The following FAM149B1 variants were observed in gnomAD, a reference collection of about 807,000 sequenced individuals.
The protein encoded by FAM149B1 is family with sequence similarity 149 member B1.
In FAM149B1, 56 loss-of-function variants were observed where a neutral mutation model predicts 75.3. That is an observed-to-expected ratio of 0.74 (90% confidence interval 0.60 to 0.93). The LOEUF is 0.93. Among genes scored for constraint, FAM149B1 ranks in the 40% least tolerant of loss-of-function variants. FAM149B1 has a pLI of 0.00. For synonymous variants in FAM149B1, 259 were observed against 256.1 expected (o/e 1.01, Z -0.11); for missense variants, 639 against 708.4 (o/e 0.90, Z 1.11).
chr10:73,220,378 AAC>A (rs2043383237), intron 7 of FAM149B1, among the ~76,000 whole-genome samples: 1 of 152,216 alleles, frequency 6.6e-6, no homozygotes, highest in Non-Finnish European at 1.5e-5. Flanking sequence ...CAGAATGTTA[AAC>A]ACAAAATTGT....
chr10:73,211,774 ATTTTATT>A (rs1168848024), intron 7 of FAM149B1, among the ~76,000 whole-genome samples: 1 of 151,976 alleles, frequency 6.6e-6, no homozygotes, highest in Non-Finnish European at 1.5e-5. Context: ...TTTTCTTTTC[ATTTTATT>A]TTTTATTTTT....
intron 5 of FAM149B1, among the ~76,000 whole-genome samples, chr10:73,207,752 G>A (rs2043100507): frequency 6.6e-6 from 1 of 152,076 alleles, no homozygotes; most frequent in African/African-American, 2.4e-5. Context: ...CTCCCCTACT[G>A]GGTTTTGAAC....
chr10:73,233,379 C>T (rs750606473), intron 10 of FAM149B1, among the ~76,000 whole-genome samples: 1 of 152,138 alleles, frequency 6.6e-6, no homozygotes, highest in Non-Finnish European at 1.5e-5. Flanking sequence ...TCACTCCTGT[C>T]GCCCAGGCTG....
chr10:73,232,905 T>G (rs202052222), intron 9 of FAM149B1, 34 bp from the exon 10 acceptor site: 30 of 1,258,700 alleles, frequency 2.4e-5, no homozygotes, highest in Non-Finnish European at 3.3e-5. Flanking sequence ...ATACTGATCT[T>G]TACTTCATTG....
chr10:73,240,120 A>G (rs945760079), intron 13 of FAM149B1, among the ~76,000 whole-genome samples: 1 of 152,282 alleles, frequency 6.6e-6, no homozygotes, highest in Admixed American at 6.5e-5. Context: ...GGGTCTTGCT[A>G]TGTTGCCCAG....
intron 12 of FAM149B1, 54 bp from the exon 13 acceptor site, chr10:73,239,258 T>G: frequency 1.4e-6 from 2 of 1,440,958 alleles, no homozygotes; most frequent in East Asian, 5.0e-5. Flanking sequence ...TGCTAAAATA[T>G]TATCCTTTGT....
chr10:73,185,571 CCACAAAGA>C (rs2042501463), intron 3 of FAM149B1, among the ~76,000 whole-genome samples: 1 of 152,050 alleles, frequency 6.6e-6, no homozygotes, highest in African/African-American at 2.4e-5. Context: ...CAAAATCTTC[CCACAAAGA>C]AGTCCAGGCA....
chr10:73,209,276 C>T (rs1217865232), intron 6 of FAM149B1, among the ~76,000 whole-genome samples: 1 of 152,062 alleles, frequency 6.6e-6, no homozygotes, highest in African/African-American at 2.4e-5. Context: ...TGGTGAAACC[C>T]CATCTCTACT....
intron 5 of FAM149B1, chr10:73,199,866 G>A (rs2042892739): frequency 5.6e-6 from 1 of 178,078 alleles, no homozygotes; most frequent in Non-Finnish European, 1.2e-5. Flanking sequence ...AGAGAACATG[G>A]AGACCCAGAG....
At chr10:73,191,728 A>G (rs1399053649) in intron 3 of FAM149B1, among the ~76,000 whole-genome samples, 2 of 152,150 alleles carry the variant, frequency 1.3e-5, no homozygotes, top group South Asian at 4.1e-4. Context: ...TAATATACAC[A>G]GGGTTTTCCA....
At chr10:73,175,260 C>T (rs1843898592) in intron 2 of FAM149B1, among the ~76,000 whole-genome samples, 1 of 152,128 alleles carries the variant, frequency 6.6e-6, no homozygotes, top group Non-Finnish European at 1.5e-5. Context: ...GTCCCAGCTA[C>T]TACAGAAGCT....
chr10:73,239,982 T>C (rs111472727), intron 13 of FAM149B1, among the ~76,000 whole-genome samples: 5,810 of 152,292 alleles, frequency 0.038, 309 homozygotes, highest in African/African-American at 0.12. Context: ...CAGAATGCAG[T>C]GGCATGATCA....
chr10:73,184,340 A>G (rs1019803588), intron 3 of FAM149B1, among the ~76,000 whole-genome samples: 10 of 152,210 alleles, frequency 6.6e-5, no homozygotes, highest in African/African-American at 2.4e-4. Flanking sequence ...GAAGCAAAAA[A>G]TGACTGAATG....
intron 5 of FAM149B1, among the ~76,000 whole-genome samples, chr10:73,199,375 G>A (rs1203336142): frequency 1.3e-5 from 2 of 151,068 alleles, no homozygotes; most frequent in Non-Finnish European, 2.9e-5. Flanking sequence ...CCACCACCAC[G>A]CCCGGCTAAT....
At chr10:73,235,793 G>A (rs1036827882) in intron 12 of FAM149B1, among the ~76,000 whole-genome samples, 13 of 152,126 alleles carry the variant, frequency 8.5e-5, no homozygotes, top group Non-Finnish European at 1.3e-4. Flanking sequence ...TTAGCCTCCC[G>A]AGTAGCTGGG....
chr10:73,197,236 CAA>C (rs1258251254), intron 5 of FAM149B1, among the ~76,000 whole-genome samples: 1 of 152,154 alleles, frequency 6.6e-6, no homozygotes, highest in Admixed American at 6.5e-5. Flanking sequence ...CTCCTGGGCT[CAA>C]GTGATTTGCC....
intron 3 of FAM149B1, among the ~76,000 whole-genome samples, chr10:73,186,629 T>C (rs1437236463): frequency 1.3e-5 from 2 of 152,246 alleles, no homozygotes; most frequent in Non-Finnish European, 2.9e-5. Flanking sequence ...ATAAATTAGT[T>C]CAGTTAGGTC....
At chr10:73,200,837 T>G (rs1243107310) in intron 5 of FAM149B1, 1 of 510,318 alleles carries the variant, frequency 2.0e-6, no homozygotes, top group East Asian at 5.3e-5. Context: ...CAGGCTGTTA[T>G]TTTTCTCAAT....
intron 7 of FAM149B1, among the ~76,000 whole-genome samples, chr10:73,222,345 G>A (rs1671824681): frequency 6.6e-6 from 1 of 152,118 alleles, no homozygotes; most frequent in Non-Finnish European, 1.5e-5. Context: ...TCCATGAATT[G>A]AGTTTTTCTG....
Sources: gnomAD v4.1 joint callset for allele counts (sites outside exome capture counted in the v4.1 genomes callset) on GRCh38, gnomAD v4.1.1 for gene constraint, MANE v1.5 for transcripts, NCBI Gene and HGNC (gene_info 2026-07-23, HGNC 2026-07-21) for gene names.